The following UGGT2 variants were observed in gnomAD, a reference collection of about 807,000 sequenced individuals.
UGGT2 encodes the protein UDP-glucose glycoprotein glucosyltransferase 2, also known as UDP-glucose:glycoprotein glucosyltransferase 2.
UGGT2 carries 180 observed loss-of-function variants against 192.1 expected under a neutral mutation model. The ratio of observed to expected loss-of-function variants is 0.94; its 90% confidence interval spans 0.83 to 1.06. The LOEUF (loss-of-function observed/expected upper bound fraction) is 1.06. Ranked by LOEUF, UGGT2 falls within the 50% of genes least tolerant of loss-of-function variation. The pLI, the probability that UGGT2 is intolerant of heterozygous loss-of-function variation, is 0.00. For synonymous variants in UGGT2, 580 were observed against 591.0 expected, an observed-to-expected ratio of 0.98 and a Z score of 0.27; for missense variants, 1,849 against 1,795.7, an observed-to-expected ratio of 1.03 and a Z score of -0.54.
Position 95,949,365 on chromosome 13 carries a change from T to C in UGGT2, c.1425A>G (p.Val475=). 1.3e-6 allele frequency: 2 copies of C among 1,579,064 alleles called. No homozygotes were observed. Among genetic ancestry groups the C allele is most frequent in the Non-Finnish European group, 1.7e-6 (2 of 1,161,654 alleles). Residue 475 remains valine (V), a synonymous_variant, in exon 13 of 39, where the codon GTA becomes GTG. Coordinates refer to ENST00000376747, the MANE Select transcript of UGGT2 (RefSeq NM_020121.4). The part of the protein sequence containing the change: ...KLLKPVFPGS[V]PSIRRNFHNL... The stretch of plus-strand genomic sequence containing the variant: ...TATGAAAATTGCGCCTTATGGAAGG[T>C]ACACTTCCAGGAAATACTGGCTTCA...
rs543472528 is a variant in UGGT2, at chr13:95,962,827, T to TA, written c.1335+7284dup. Among the ~76,000 whole-genome samples the TA allele has an allele frequency of 7.9e-5, 12 of 152,218 alleles. 1 individual carries two copies. In the South Asian group the frequency reaches 2.5e-3, roughly 32 times the overall value. ...AAGGCATACCCGAGACCGGGTAATT[T>TA]AAACAGGAAAAAGGGTTCAAAGGAC... On this transcript the variant is annotated intron_variant, in intron 12 of 38. Coordinates refer to ENST00000376747, the MANE Select transcript of UGGT2 (RefSeq NM_020121.4).
intron 29 of UGGT2, 146 bp from the exon 30 acceptor site, chr13:95,867,569 A>G: frequency 1.7e-6 from 1 of 577,748 alleles, no homozygotes; most frequent in Non-Finnish European, 2.9e-6. Flanking sequence ...TAGTCAATTA[A>G]GATATACTAT....
In UGGT2 at chr13:95,837,122, A is replaced by T. The variant is rs1369389533; in HGVS notation, c.4365T>A (p.Asp1455Glu). 6.2e-7 allele frequency: 1 copy of T among 1,614,096 alleles called. No individual in the cohort carries two copies. The highest frequency in any genetic ancestry group is 8.5e-7 in the Non-Finnish European group (1 of 1,179,964). The change falls in exon 37 of 39, where the codon GAT becomes GAA. Residue 1455 changes from aspartate to glutamate, a missense_variant. By Grantham distance (45) the Asp-to-Glu change is conservative. Coordinates refer to ENST00000376747, the MANE Select transcript of UGGT2 (RefSeq NM_020121.4). ...QDWLWCETWC[D>E]DESKQRAKTI... is the part of the protein sequence containing the mutation. ...TTTTGGCTCTTTGTTTGGATTCATCATCACACCAGGTTTCACACCACAGCC... is the reference window on the plus strand; with the variant it reads ...TTTTGGCTCTTTGTTTGGATTCATCTTCACACCAGGTTTCACACCACAGCC...
chr13:95,867,532 T>C (rs896435256), intron 29 of UGGT2, 109 bp from the exon 30 acceptor site: 17 of 738,194 alleles, frequency 2.3e-5, no homozygotes, highest in Non-Finnish European at 3.3e-5. Flanking sequence ...ATAACACTAG[T>C]GCATATATCA....
At chr13:95,815,474 A>G (rs1884787658) in intron 38 of UGGT2, among the ~76,000 whole-genome samples, 1 of 152,212 alleles carries the variant, frequency 6.6e-6, no homozygotes, top group East Asian at 1.9e-4. Context: ...ATTTAAAAAT[A>G]CCATTTATAT....
intron 36 of UGGT2, among the ~76,000 whole-genome samples, chr13:95,852,446 C>T (rs1055454511): frequency 1.3e-5 from 2 of 152,180 alleles, no homozygotes; most frequent in African/African-American, 4.8e-5. Flanking sequence ...CCCCTATTCA[C>T]TATTCTGAAC....
intron 8 of UGGT2, among the ~76,000 whole-genome samples, chr13:95,989,136 A>G (rs1035057001): frequency 4.6e-4 from 70 of 152,130 alleles, no homozygotes; most frequent in Non-Finnish European, 2.9e-5. Flanking sequence ...TAAGAGTGGC[A>G]GCATTCTAAA....
At chr13:95,882,112 G>C (rs964362374) in intron 27 of UGGT2, among the ~76,000 whole-genome samples, 1 of 152,014 alleles carries the variant, frequency 6.6e-6, no homozygotes, top group Non-Finnish European at 1.5e-5. Context: ...GTTTCACCAT[G>C]TTGGTCAGGC....
chr13:95,849,605 T>G (rs2035030028), intron 36 of UGGT2, among the ~76,000 whole-genome samples: 1 of 151,686 alleles, frequency 6.6e-6, no homozygotes, highest in Admixed American at 6.6e-5. Context: ...AATAACTTTC[T>G]TTTATTATAT....
At chr13:95,824,684 C>T (rs1196658023) in intron 38 of UGGT2, among the ~76,000 whole-genome samples, 2 of 151,840 alleles carry the variant, frequency 1.3e-5, no homozygotes, top group Non-Finnish European at 2.9e-5. Flanking sequence ...CATTCATATC[C>T]TGAATTTTAA....
chr13:95,962,747 G>A (rs1336555503), intron 12 of UGGT2, among the ~76,000 whole-genome samples: 1 of 152,044 alleles, frequency 6.6e-6, no homozygotes, highest in East Asian at 1.9e-4. Flanking sequence ...AACAATAAAG[G>A]AAAACCACAG....
At chr13:95,921,896 T>A (rs1354726290) in intron 20 of UGGT2, among the ~76,000 whole-genome samples, 5 of 152,148 alleles carry the variant, frequency 3.3e-5, no homozygotes, top group Non-Finnish European at 5.9e-5. Flanking sequence ...AAAACAGAAC[T>A]ACCATTTGAC....
intron 20 of UGGT2, among the ~76,000 whole-genome samples, chr13:95,908,997 G>T (rs2048386079): frequency 6.7e-6 from 1 of 149,432 alleles, no homozygotes; most frequent in Admixed American, 6.7e-5. Flanking sequence ...ATTGCTTTTG[G>T]TGTTTTAGAC....
intron 38 of UGGT2, chr13:95,809,454 T>C (rs934171285): frequency 2.7e-6 from 1 of 376,556 alleles, no homozygotes; most frequent in African/African-American, 2.1e-5. Flanking sequence ...TTCCCTTTTG[T>C]TTGCACGTTC....
rs773286884 is a variant in UGGT2, at chr13:95,925,732, T to C, written c.2243A>G (p.Asp748Gly). ...ISAVTLWIIADFDKPSGRKLL... is the reference protein window; with the variant it reads ...ISAVTLWIIAGFDKPSGRKLL... ...TTTTCTCCCAGAAGGCTTATCAAAATCTGCAATAATCCAGAGAGTGACTGC... is the reference window on the plus strand; with the variant it reads ...TTTTCTCCCAGAAGGCTTATCAAAACCTGCAATAATCCAGAGAGTGACTGC... The change falls in exon 20 of 39, where the codon GAT becomes GGT. Residue 748 changes from aspartate to glycine, a missense_variant. Physicochemically the swap from Asp to Gly is moderately conservative, Grantham distance 94. Transcript: ENST00000376747. 2.5e-6 allele frequency: 4 copies of C among 1,580,598 alleles called. No homozygotes were observed. The highest frequency in any genetic ancestry group is 3.4e-6 in the Non-Finnish European group (4 of 1,160,048).
At chr13:95,850,321 C>T (rs1255784348) in intron 36 of UGGT2, among the ~76,000 whole-genome samples, 1 of 151,846 alleles carries the variant, frequency 6.6e-6, no homozygotes, top group African/African-American at 2.4e-5. Flanking sequence ...GGTCAGAGGC[C>T]AAGAAATAGA....
intron 4 of UGGT2, among the ~76,000 whole-genome samples, chr13:96,019,226 A>G (rs2052442355): frequency 6.6e-6 from 1 of 151,326 alleles, no homozygotes; most frequent in African/African-American, 2.4e-5. Context: ...CTGGCAAAAG[A>G]CAGAGATTTC....
chr13:95,849,079 G>C (rs1318801987), intron 36 of UGGT2, among the ~76,000 whole-genome samples: 1 of 151,896 alleles, frequency 6.6e-6, no homozygotes, highest in Non-Finnish European at 1.5e-5. Flanking sequence ...TTTATTGTTG[G>C]AATACAGAAA....
intron 13 of UGGT2, among the ~76,000 whole-genome samples, 173 bp from the exon 14 acceptor site, chr13:95,948,254 T>TAC (rs1566742567): frequency 3.5e-5 from 5 of 143,350 alleles, no homozygotes; most frequent in Admixed American, 3.4e-4. Context: ...CACACACACA[T>TAC]ATAAAGGATT....
Sources: allele counts gnomAD v4.1 joint callset (sites outside exome capture counted in the v4.1 genomes callset), GRCh38; gene constraint gnomAD v4.1.1; transcripts MANE v1.5; gene names NCBI Gene and HGNC (gene_info 2026-07-23, HGNC 2026-07-21).